The following ITGAE variants were observed in gnomAD, a reference collection of about 807,000 sequenced individuals.
The protein encoded by ITGAE is integrin subunit alpha E.
In ITGAE, 99 loss-of-function variants were observed where a neutral mutation model predicts 136.5. The observed-to-expected ratio is 0.73, with a 90% CI of 0.62 to 0.86. ITGAE has a LOEUF of 0.86. Among genes scored for constraint, ITGAE ranks in the 40% least tolerant of loss-of-function variants. ITGAE has a pLI of 0.00. For synonymous variants in ITGAE, 613 were observed against 591.8 expected, an observed-to-expected ratio of 1.04 and a Z score of -0.52; for missense variants, 1,447 against 1,515.3, an observed-to-expected ratio of 0.95 and a Z score of 0.75.
intron 1 of ITGAE, among the ~76,000 whole-genome samples, chr17:3,786,121 C>T (rs1261893894): frequency 2.0e-5 from 3 of 146,592 alleles, no homozygotes; most frequent in Admixed American, 6.9e-5. Flanking sequence ...GAGCCGAGAT[C>T]GCGCCACTGC....
rs1337053330 is a variant in ITGAE, at chr17:3,723,957, C to T, written c.3085-213G>A. ...GGCCATGGCGGCTTCGCTCCCGGGA[C>T]CTGGGAGCCGGCTTTTCCGCACATA... is the stretch of plus-strand genomic sequence containing the variant. On this transcript the variant is annotated intron_variant, in intron 26 of 30. Transcript: ENST00000263087. 6.4e-7 allele frequency: 1 copy of T among 1,568,040 alleles called. No homozygotes were observed. Among genetic ancestry groups the T allele is most frequent in the Admixed American group, 1.8e-5 (1 of 54,144 alleles).
chr17:3,761,526 G>A lies in ITGAE; in HGVS notation c.316-6C>T. The A allele has an allele frequency of 6.2e-7, 1 of 1,608,716 alleles. No homozygotes were observed. Among genetic ancestry groups the A allele is most frequent in the Non-Finnish European group, 8.5e-7 (1 of 1,177,370 alleles). On this transcript the variant is annotated splice_polypyrimidine_tract_variant and splice_region_variant and intron_variant, in intron 4 of 30. Coordinates refer to ENST00000263087, the MANE Select transcript of ITGAE (RefSeq NM_002208.5). ...ACCAGCACTTGAATGCATATCTGTG[G>A]GAGGGAAGAGAGGGTGGGGAAACAC...
At chr17:3,730,002 G>A (rs915705292) in intron 23 of ITGAE, among the ~76,000 whole-genome samples, 8 of 152,156 alleles carry the variant, frequency 5.3e-5, no homozygotes, top group East Asian at 1.9e-4. Flanking sequence ...TAGTTACTAA[G>A]CCCAACACGC....
chr17:3,769,341 C>T (rs987265092), intron 2 of ITGAE, among the ~76,000 whole-genome samples: 1 of 152,070 alleles, frequency 6.6e-6, no homozygotes, highest in Non-Finnish European at 1.5e-5. Flanking sequence ...ACCCCACCCC[C>T]ACCCTTTCTT....
chr17:3,745,729 C>A, intron 18 of ITGAE, 35 bp downstream of exon 18: 1 of 1,603,146 alleles, frequency 6.2e-7, no homozygotes, highest in Non-Finnish European at 8.5e-7. Context: ...ATGACAAAGA[C>A]CCCTCCTGAC....
chr17:3,743,702 TTTC>T, intron 18 of ITGAE, 85 bp from the exon 19 acceptor site: 3 of 1,304,996 alleles, frequency 2.3e-6, no homozygotes, highest in Non-Finnish European at 3.0e-6. Flanking sequence ...TTTTTCTTTT[TTTC>T]TTTTTTTTTT....
At chr17:3,720,900 T>C (rs185324562) in intron 28 of ITGAE, among the ~76,000 whole-genome samples, 1 of 152,116 alleles carries the variant, frequency 6.6e-6, no homozygotes, top group African/African-American at 2.4e-5. Flanking sequence ...CAACTTCTTT[T>C]CCCTTGTGCC....
At chr17:3,728,758 G>A (rs1251095880) in intron 24 of ITGAE, among the ~76,000 whole-genome samples, 2 of 151,496 alleles carry the variant, frequency 1.3e-5, no homozygotes. Flanking sequence ...GAGGCCGGGT[G>A]CAGTGGTTCA....
intron 1 of ITGAE, among the ~76,000 whole-genome samples, chr17:3,797,193 T>TCTC (rs2053133199): frequency 7.6e-6 from 1 of 131,234 alleles, no homozygotes; most frequent in African/African-American, 2.9e-5. Context: ...TGAGACGGAG[T>TCTC]CTCGCTCTGT....
chr17:3,726,207 T>C (rs2051208521), intron 26 of ITGAE: 2 of 1,614,012 alleles, frequency 1.2e-6, no homozygotes, highest in Non-Finnish European at 1.7e-6. Context: ...ACAAATGACC[T>C]TCAAGACTAA....
intron 24 of ITGAE, 108 bp downstream of exon 24, chr17:3,729,370 A>G: frequency 1.3e-6 from 1 of 780,788 alleles, no homozygotes; most frequent in South Asian, 1.4e-5. Flanking sequence ...TCTCAGAAGG[A>G]CAGTGTCCAC....
At position 3,766,067 on chromosome 17, in the gene ITGAE, A is replaced by G. The variant is rs138836770; in HGVS notation, c.156-2107T>C. ...TGAGATGGGGGGGTTATCCTGGATT[A>G]TCTAGGTGGGCTCAGTGAAATCACA... On this transcript the variant is annotated intron_variant, in intron 2 of 30. Transcript: ENST00000263087. Among the ~76,000 whole-genome samples, 829 of 152,312 alleles carry G rather than the reference A, an allele frequency of 5.4e-3. 10 individuals are homozygous for G. Among genetic ancestry groups the G allele is most frequent in the African/African-American group, 0.019 (799 of 41,576 alleles).
intron 1 of ITGAE, among the ~76,000 whole-genome samples, chr17:3,791,475 G>A (rs1469706573): frequency 6.6e-6 from 1 of 151,964 alleles, no homozygotes; most frequent in African/African-American, 2.4e-5. Context: ...TAGAGATGGG[G>A]TTTCGCCATG....
chr17:3,750,846 GT>G (rs560403988), intron 15 of ITGAE, among the ~76,000 whole-genome samples: 418 of 152,216 alleles, frequency 2.7e-3, no homozygotes, highest in Non-Finnish European at 4.5e-3. Context: ...TTGTTTTGAA[GT>G]GACATAATCA....
chr17:3,792,239 G>A (rs1567562059), intron 1 of ITGAE, among the ~76,000 whole-genome samples: 1 of 151,744 alleles, frequency 6.6e-6, no homozygotes, highest in Non-Finnish European at 1.5e-5. Context: ...CTCCTGCCTC[G>A]GCCTCCTGAG....
At chr17:3,770,688 C>T (rs752203656) in intron 2 of ITGAE, among the ~76,000 whole-genome samples, 10 of 152,308 alleles carry the variant, frequency 6.6e-5, no homozygotes, top group Non-Finnish European at 1.5e-4. Flanking sequence ...AAGTGCCTCC[C>T]ACCACATCCT....
At chr17:3,754,771 G>C in intron 12 of ITGAE, 5 of 281,512 alleles carry the variant, frequency 1.8e-5, no homozygotes, top group South Asian at 3.6e-5. Context: ...TCTCGGCCCC[G>C]CCCTCGCCCA....
At chr17:3,795,905 G>T (rs1453419238) in intron 1 of ITGAE, among the ~76,000 whole-genome samples, 1 of 150,116 alleles carries the variant, frequency 6.7e-6, no homozygotes, top group Non-Finnish European at 1.5e-5. Flanking sequence ...GTGCATCTGT[G>T]TATGCGCATC....
Position 3,723,345 on chromosome 17 carries a change from A to G in ITGAE, c.3180T>C (p.Ala1060=), listed in dbSNP as rs1300608656. The G allele has an allele frequency of 6.2e-7, 1 of 1,613,996 alleles. No individual in the cohort carries two copies. Reference sequence around the variant, plus strand: ...CCACGGTGACATTTTCTTTATCTGAAGCGATGACACAGCTCACTGAATGCC... The same window carrying G: ...CCACGGTGACATTTTCTTTATCTGAGGCGATGACACAGCTCACTGAATGCC... ...EEWHSVSCVI[A]SDKENVTVAA... The change falls in exon 28 of 31, where the codon GCT becomes GCC. Residue 1060 remains alanine, a synonymous_variant. Coordinates refer to ENST00000263087, the MANE Select transcript of ITGAE (RefSeq NM_002208.5).
Sources: allele counts gnomAD v4.1 joint callset (sites outside exome capture counted in the v4.1 genomes callset), GRCh38; gene constraint gnomAD v4.1.1; transcripts MANE v1.5; gene names NCBI Gene and HGNC (gene_info 2026-07-23, HGNC 2026-07-21).